Variants in OSBPL1A observed in about 807,000 individuals in gnomAD.
The protein encoded by OSBPL1A is oxysterol binding protein like 1A, also known as oxysterol-binding protein-related protein 1.
A neutral mutation model predicts 137.1 loss-of-function variants in OSBPL1A; 80 were observed. The ratio of observed to expected loss-of-function variants is 0.58; its 90% confidence interval spans 0.49 to 0.70. The LOEUF (loss-of-function observed/expected upper bound fraction) is 0.70. Among genes scored for constraint, OSBPL1A ranks in the 30% least tolerant of loss-of-function variants. The pLI is 0.00. For missense variants in OSBPL1A, 970 were observed against 1,129.4 expected (o/e 0.86, Z 2.02); for synonymous variants, 365 against 389.7 (o/e 0.94, Z 0.75).
chr18:24,204,408 G>C (rs1161205935), intron 17 of OSBPL1A, among the ~76,000 whole-genome samples: 1 of 151,942 alleles, frequency 6.6e-6, no homozygotes, highest in Middle Eastern at 3.2e-3. Context: ...TTTTTTGTAT[G>C]TGATAGCTAT....
At chr18:24,259,039 G>A (rs989806262) in intron 15 of OSBPL1A, among the ~76,000 whole-genome samples, 1 of 145,340 alleles carries the variant, frequency 6.9e-6, no homozygotes, top group Non-Finnish European at 1.5e-5. Context: ...CCGGGTTCAC[G>A]CCATTCTCCT....
chr18:24,390,650 G>A (rs373074561), intron 1 of OSBPL1A, among the ~76,000 whole-genome samples: 4 of 122,692 alleles, frequency 3.3e-5, no homozygotes, highest in African/African-American at 1.3e-4. Context: ...AGCCAAGATC[G>A]TGCTACTCTA....
intron 1 of OSBPL1A, among the ~76,000 whole-genome samples, chr18:24,391,385 A>C (rs1410161945): frequency 1.3e-5 from 2 of 152,084 alleles, no homozygotes; most frequent in East Asian, 3.9e-4. Flanking sequence ...TAGCTGTACT[A>C]CAATGTGAAT....
chr18:24,334,804 A>G (rs1484321660), intron 5 of OSBPL1A, among the ~76,000 whole-genome samples: 1 of 152,220 alleles, frequency 6.6e-6, no homozygotes, highest in African/African-American at 2.4e-5. Context: ...TATGTTGAGA[A>G]AGTCATCTGT....
rs753614056 is a variant in OSBPL1A, at chr18:24,167,354, G to A, written c.2510C>T (p.Ala837Val). Residue 837 changes from alanine to valine, a missense_variant, in exon 25 of 28, where the codon GCC (alanine) becomes GTC (valine). This residue lies in a region of OSBPL1A where 323 missense variants were observed against 456.8 expected (regional missense o/e 0.71). Transcript: ENST00000319481. ...IPGSVLLWRI[A>V]PRPPNSAQMY... ...CTGGGCAGAATTTGGAGGCCGTGGGGCTATTCGCCATAGAAGAACGCTTCC... is the reference window on the plus strand; with the variant it reads ...CTGGGCAGAATTTGGAGGCCGTGGGACTATTCGCCATAGAAGAACGCTTCC... 3 of 1,614,176 alleles carry A rather than the reference G, an allele frequency of 1.9e-6. No homozygotes were observed. The South Asian group carries it at 3.3e-5, about 18-fold the overall frequency.
chr18:24,257,447 C>A (rs1373496881), intron 15 of OSBPL1A, among the ~76,000 whole-genome samples: 2 of 152,240 alleles, frequency 1.3e-5, no homozygotes, highest in Admixed American at 6.5e-5. Flanking sequence ...AGAAACTAGA[C>A]CCCTATCTCT....
intron 14 of OSBPL1A, among the ~76,000 whole-genome samples, chr18:24,282,945 C>T (rs896394922): frequency 2.0e-5 from 3 of 151,942 alleles, no homozygotes; most frequent in Non-Finnish European, 4.4e-5. Flanking sequence ...TTCATCTCTA[C>T]AAAAAATTTA....
intron 15 of OSBPL1A, among the ~76,000 whole-genome samples, chr18:24,273,267 T>G (rs1232519684): frequency 6.6e-6 from 1 of 152,198 alleles, no homozygotes; most frequent in East Asian, 1.9e-4. Context: ...GAATAATAAC[T>G]GTTACTGTAC....
chr18:24,196,525 C>T (rs2145945466), intron 17 of OSBPL1A, among the ~76,000 whole-genome samples: 1 of 152,272 alleles, frequency 6.6e-6, no homozygotes, highest in South Asian at 2.1e-4. Flanking sequence ...GCACATCTGA[C>T]CCTGTTGTTG....
At chr18:24,388,498 T>G (rs1344936110) in intron 1 of OSBPL1A, among the ~76,000 whole-genome samples, 1 of 151,950 alleles carries the variant, frequency 6.6e-6, no homozygotes, top group Admixed American at 6.6e-5. Context: ...GGAAACACAT[T>G]TTTAAAAATT....
intron 7 of OSBPL1A, among the ~76,000 whole-genome samples, chr18:24,327,102 T>C (rs1359063322): frequency 1.5e-5 from 2 of 136,880 alleles, no homozygotes; most frequent in African/African-American, 5.3e-5. Flanking sequence ...TATGGTTTTT[T>C]TCTTTTTTCT....
Position 24,273,738 on chromosome 18 carries a change from T to C in OSBPL1A, c.1281+7104A>G, listed in dbSNP as rs541055162. On this transcript the variant is annotated intron_variant, in intron 15 of 27. Transcript: ENST00000319481. ...TTTGTGAATATATAATGATACAATA[T>C]GATAAATGCTATGACAGCCAGGAAC... Among the ~76,000 whole-genome samples the C allele has an allele frequency of 2.4e-4, 37 of 152,320 alleles. No homozygotes were observed. The South Asian group carries it at 5.8e-3, about 24-fold the overall frequency.
intron 14 of OSBPL1A, among the ~76,000 whole-genome samples, chr18:24,292,150 G>C (rs2090185285): frequency 6.6e-6 from 1 of 152,160 alleles, no homozygotes; most frequent in Non-Finnish European, 1.5e-5. Context: ...GCTAGTGGAA[G>C]ATAACTATAA....
rs536297803 is a variant in OSBPL1A, at chr18:24,271,704, C to T, written c.1281+9138G>A. ...CCAGCGCGAATGCGCTCGGCCTGCT[C>T]CTCCTCCTCCCCTCCAGTCGAGCCG... On this transcript the variant is annotated intron_variant, in intron 15 of 27. Transcript: ENST00000319481. The surrounding 1 kb of genome is among the most constrained non-coding windows in gnomAD (Gnocchi z 4.0). 124 of 985,728 alleles carry T rather than the reference C, an allele frequency of 1.3e-4. No homozygotes were observed. The East Asian group carries it at 2.9e-3, about 23-fold the overall frequency. The allele number at this position is 985,728 out of a possible 1,614,324, so 61.1% of individuals were successfully genotyped here. A position where few individuals can be genotyped will look rare whatever the true frequency, so the allele number is the denominator to read the frequency against.
chr18:24,350,106 G>A (rs1010607182), intron 4 of OSBPL1A, among the ~76,000 whole-genome samples: 15 of 151,928 alleles, frequency 9.9e-5, no homozygotes, highest in African/African-American at 1.9e-4. Context: ...ACATTTCCTC[G>A]CTCCCCTTTA....
chr18:24,232,384 A>C (rs1200251511), intron 16 of OSBPL1A, among the ~76,000 whole-genome samples: 1 of 152,240 alleles, frequency 6.6e-6, no homozygotes, highest in Non-Finnish European at 1.5e-5. Flanking sequence ...ATCCTCTCTG[A>C]ATGATGTCCA....
intron 24 of OSBPL1A, among the ~76,000 whole-genome samples, chr18:24,169,340 C>T (rs1165660017): frequency 2.6e-5 from 4 of 152,260 alleles, no homozygotes; most frequent in South Asian, 2.1e-4. Context: ...GCATAAGAAA[C>T]GCTAAAGAGC....
intron 15 of OSBPL1A, among the ~76,000 whole-genome samples, chr18:24,257,198 T>C (rs2089305741): frequency 6.6e-6 from 1 of 152,028 alleles, no homozygotes; most frequent in South Asian, 2.1e-4. Flanking sequence ...AGAACTAAAC[T>C]GGAGGAATCA....
chr18:24,177,923 C>A, intron 21 of OSBPL1A, 90 bp downstream of exon 21: 1 of 1,295,290 alleles, frequency 7.7e-7, no homozygotes, highest in Admixed American at 2.3e-5. Context: ...TTTTCTCCAG[C>A]TTTTGAACAG....
Sources: allele counts gnomAD v4.1 joint callset (sites outside exome capture counted in the v4.1 genomes callset), GRCh38; gene constraint gnomAD v4.1.1; regional missense constraint gnomAD v4.1.1; non-coding constraint Gnocchi (gnomAD v3.1); transcripts MANE v1.5; gene names NCBI Gene and HGNC (gene_info 2026-07-23, HGNC 2026-07-21).